EML6: variants seen among roughly 807,000 people sequenced by gnomAD.
The protein encoded by EML6 is EMAP like 6, also known as echinoderm microtubule-associated protein-like 6.
In EML6, 154 loss-of-function variants were observed where a neutral mutation model predicts 240.1. That is an observed-to-expected ratio of 0.64 (90% CI 0.56 to 0.73). The LOEUF (loss-of-function observed/expected upper bound fraction) is 0.73. Ranked by LOEUF, EML6 falls within the 30% of genes least tolerant of loss-of-function variation. EML6 has a pLI of 0.00. For missense variants in EML6, 2,964 were observed against 2,474.6 expected (o/e 1.20, Z -4.20); for synonymous variants, 1,148 against 899.0 (o/e 1.28, Z -4.95).
chr2:54,782,308 T>A (rs1329800834), intron 2 of EML6, among the ~76,000 whole-genome samples: 5 of 152,234 alleles, frequency 3.3e-5, no homozygotes, highest in Non-Finnish European at 7.3e-5. Flanking sequence ...CATTTTATGT[T>A]TCATGAAATA....
intron 28 of EML6, among the ~76,000 whole-genome samples, chr2:54,937,894 A>G (rs955695157): frequency 6.6e-6 from 1 of 152,218 alleles, no homozygotes; most frequent in Admixed American, 6.5e-5. Context: ...GGTCAATGAG[A>G]ATCAAAGCAA....
chr2:54,858,667 A>T (rs1271064952), intron 11 of EML6, among the ~76,000 whole-genome samples: 3 of 152,360 alleles, frequency 2.0e-5, no homozygotes, highest in Admixed American at 2.0e-4. Context: ...AATGAGGCTT[A>T]TCTGGTCAGA....
At chr2:54,734,415 C>T (rs1160137619) in intron 2 of EML6, among the ~76,000 whole-genome samples, 1 of 152,270 alleles carries the variant, frequency 6.6e-6, no homozygotes, top group Non-Finnish European at 1.5e-5. Flanking sequence ...TGTCTCCAGA[C>T]AGTGCTAGGC....
chr2:54,874,245 T>C (rs899941865), intron 16 of EML6, among the ~76,000 whole-genome samples: 2 of 152,200 alleles, frequency 1.3e-5, no homozygotes, highest in African/African-American at 4.8e-5. Flanking sequence ...CTGGGCTTAT[T>C]AGTTTTATAG....
In EML6 at chr2:54,951,255, C is replaced by A. The variant is rs115082906; in HGVS notation, c.4213+476C>A. Among the ~76,000 whole-genome samples, 548 of 152,222 alleles carry A rather than the reference C, an allele frequency of 3.6e-3. 4 individuals are homozygous for A. The highest frequency in any genetic ancestry group is 0.013 in the African/African-American group (527 of 41,520). On this transcript the variant is annotated intron_variant, in intron 30 of 41. Coordinates refer to ENST00000356458, the MANE Select transcript of EML6 (RefSeq NM_001039753.4). ...AAACAATAAACAAAAATACCAGGCCCGGCAAGGTGGCTCATGCCTGTAATC... is the reference window on the plus strand; with the variant it reads ...AAACAATAAACAAAAATACCAGGCCAGGCAAGGTGGCTCATGCCTGTAATC...
intron 13 of EML6, among the ~76,000 whole-genome samples, chr2:54,865,332 A>C (rs937582693): frequency 6.6e-6 from 1 of 151,342 alleles, no homozygotes; most frequent in South Asian, 2.1e-4. Flanking sequence ...AAAAAAAAAA[A>C]AAAACTGCTG....
chr2:54,733,904 G>A (rs889578721), intron 2 of EML6, among the ~76,000 whole-genome samples: 1 of 152,140 alleles, frequency 6.6e-6, no homozygotes, highest in Admixed American at 6.5e-5. Context: ...AGAATAAATG[G>A]CAACTTTACT....
At chr2:54,826,315 G>C (rs2104154161) in intron 5 of EML6, among the ~76,000 whole-genome samples, 1 of 152,336 alleles carries the variant, frequency 6.6e-6, no homozygotes, top group East Asian at 1.9e-4. Context: ...CAAGGGCAGT[G>C]AGGTTATTCT....
intron 2 of EML6, among the ~76,000 whole-genome samples, chr2:54,745,812 G>T (rs1268175600): frequency 6.6e-6 from 1 of 152,048 alleles, no homozygotes; most frequent in East Asian, 1.9e-4. Context: ...TAAAACCATG[G>T]GGTACATCCT....
intron 17 of EML6, among the ~76,000 whole-genome samples, chr2:54,888,991 A>G (rs1227817675): frequency 1.3e-5 from 2 of 152,212 alleles, no homozygotes; most frequent in African/African-American, 4.8e-5. Flanking sequence ...AATTAACAAG[A>G]GTTCTTAGCA....
intron 2 of EML6, among the ~76,000 whole-genome samples, chr2:54,777,062 A>G (rs1668634350): frequency 6.6e-6 from 1 of 152,252 alleles, no homozygotes; most frequent in African/African-American, 2.4e-5. Context: ...GAGTAAGGAC[A>G]GCTTTATTGC....
chr2:54,826,578 C>T (rs537208754), intron 5 of EML6, among the ~76,000 whole-genome samples: 3 of 152,180 alleles, frequency 2.0e-5, no homozygotes, highest in Admixed American at 6.5e-5. Context: ...CCACCCTGGG[C>T]AGCAGAGTGA....
chr2:54,923,049 C>T (rs1410190023), intron 26 of EML6, among the ~76,000 whole-genome samples: 1 of 146,178 alleles, frequency 6.8e-6, no homozygotes, highest in East Asian at 2.0e-4. Context: ...TCAACCGATT[C>T]TCCTGCCTCA....
chr2:54,910,323 A>G (rs1415729735), intron 24 of EML6, among the ~76,000 whole-genome samples: 1 of 152,258 alleles, frequency 6.6e-6, no homozygotes, highest in Non-Finnish European at 1.5e-5. Flanking sequence ...AGGAAATCTA[A>G]CCTTTTTCAA....
At chr2:54,833,965 G>A (rs1367428573) in intron 7 of EML6, among the ~76,000 whole-genome samples, 1 of 152,182 alleles carries the variant, frequency 6.6e-6, no homozygotes, top group African/African-American at 2.4e-5. Flanking sequence ...TTAATTTCAA[G>A]ATGCTGCCTC....
At chr2:54,795,816 A>C (rs354944) in intron 2 of EML6, among the ~76,000 whole-genome samples, 4 of 152,170 alleles carry the variant, frequency 2.6e-5, no homozygotes, top group Admixed American at 6.5e-5. Flanking sequence ...ACGCTGATGA[A>C]TGCAGAGGCA....
intron 28 of EML6, among the ~76,000 whole-genome samples, chr2:54,941,772 C>T (rs540419914): frequency 2.0e-5 from 3 of 152,240 alleles, no homozygotes; most frequent in African/African-American, 4.8e-5. Flanking sequence ...GCGTAGTGCA[C>T]GCAGGGCGAG....
rs576842183 is a variant in EML6, at chr2:54,789,513, C to CAAAAAAAAAAAAAAAAA, written c.198-23700_198-23684dup. 1.7e-4 allele frequency among the ~76,000 whole-genome samples: 13 copies of CAAAAAAAAAAAAAAAAA among 77,880 alleles called. 1 individual carries two copies. Among genetic ancestry groups the CAAAAAAAAAAAAAAAAA allele is most frequent in the Admixed American group, 7.3e-4 (4 of 5,456 alleles). 51.1% of individuals were successfully genotyped at this position (77,880 alleles called of 152,430 possible). ...TGGGCCACAGAGCGAGACTTCGTCTCAAAAAAAAAAAAAAAAAAAAAAAAA... is the reference window on the plus strand; with the variant it reads ...TGGGCCACAGAGCGAGACTTCGTCTCAAAAAAAAAAAAAAAAAAAAAAAAAAAAAAAAAAAAAAAAAA... On this transcript the variant is annotated intron_variant, in intron 2 of 41. Transcript: ENST00000356458.
At position 54,899,722 on chromosome 2, in the gene EML6, C is replaced by T. The variant is rs367871297; in HGVS notation, c.3064C>T (p.Leu1022Phe). 2.6e-6 allele frequency: 4 copies of T among 1,552,006 alleles called. No homozygotes were observed. In the African/African-American group the frequency reaches 5.5e-5, roughly 21 times the overall value. Residue 1022 changes from leucine to phenylalanine, a missense_variant, in exon 22 of 42, where the codon CTT becomes TTT. Coordinates refer to ENST00000356458, the MANE Select transcript of EML6 (RefSeq NM_001039753.4). ...TGCAACAGTGAGCGATGATAAAACA[C>T]TTCGCATCTGGGAACTATCTGCCCA... ...ICATVSDDKT[L>F]RIWELSAQHR...
Sources: allele counts gnomAD v4.1 joint callset (sites outside exome capture counted in the v4.1 genomes callset), GRCh38; gene constraint gnomAD v4.1.1; transcripts MANE v1.5; gene names NCBI Gene and HGNC (gene_info 2026-07-23, HGNC 2026-07-21).